The following ARLN variants were observed in gnomAD, a reference collection of about 807,000 sequenced individuals.
The protein encoded by ARLN is allregulin.
chr4:119,300,676 AACCT>A, the ARLN span: 4 of 1,543,618 alleles, frequency 2.6e-6, no homozygotes, highest in Non-Finnish European at 2.6e-6. Flanking sequence ...ATGCACTCTG[AACCT>A]ACTCTTCCCA....
the ARLN span, chr4:119,304,284 T>C: frequency 2.0e-6 from 3 of 1,536,994 alleles, no homozygotes; most frequent in Non-Finnish European, 1.7e-6. Context: ...CTCCACCTTC[T>C]ATGTCATGTT....
chr4:119,300,086 T>C, the ARLN span, among the ~76,000 whole-genome samples: 1 of 151,858 alleles, frequency 6.6e-6, no homozygotes, highest in Non-Finnish European at 1.5e-5. Flanking sequence ...GCCTAGCTGG[T>C]TTCATTCCAA....
At chr4:119,304,356 A>G in the ARLN span, 130 of 1,537,004 alleles carry the variant, frequency 8.5e-5, no homozygotes, top group Non-Finnish European at 1.1e-4. Flanking sequence ...ATTTGTTTCC[A>G]TAGTTTTTTG....
the ARLN span, chr4:119,298,814 T>C: frequency 1.3e-6 from 1 of 771,358 alleles, no homozygotes; most frequent in Non-Finnish European, 2.4e-6. Flanking sequence ...CAATATGTGC[T>C]TTATCTTCCC....
chr4:119,300,700 C>A, the ARLN span: 8 of 1,529,692 alleles, frequency 5.2e-6, no homozygotes, highest in Admixed American at 2.0e-5. Flanking sequence ...AGCGCGCAGG[C>A]GCCTGGCTCG....
chr4:119,300,586 C>T, the ARLN span: 1 of 1,613,614 alleles, frequency 6.2e-7, no homozygotes, highest in South Asian at 1.1e-5. Context: ...TGCTTAAGTT[C>T]CCGGACTTTG....
At chr4:119,300,199 A>C in the ARLN span, 2 of 712,696 alleles carry the variant, frequency 2.8e-6, no homozygotes, top group Non-Finnish European at 4.8e-6. Flanking sequence ...TCCCCCACCC[A>C]CCCGACTGCG....
the ARLN span, chr4:119,301,031 A>C: frequency 1.9e-3 from 773 of 404,482 alleles, 8 homozygotes; most frequent in African/African-American, 0.014. Context: ...ACCACCAATG[A>C]GGTGGACGTC....
chr4:119,303,191 A>G, the ARLN span, among the ~76,000 whole-genome samples: 1 of 144,460 alleles, frequency 6.9e-6, no homozygotes. Flanking sequence ...CTTCTGGGTC[A>G]TTTTATTTAT....
the ARLN span, chr4:119,297,213 C>T: frequency 1.3e-5 from 2 of 152,164 alleles, no homozygotes; most frequent in East Asian, 1.9e-4. Flanking sequence ...GTGACAACAC[C>T]TTAAAAGCAT....
chr4:119,304,244 C>T, the ARLN span: 2 of 1,529,072 alleles, frequency 1.3e-6, no homozygotes, highest in South Asian at 2.4e-5. Flanking sequence ...TTCTAACATA[C>T]CAATTGTGAA....
the ARLN span, among the ~76,000 whole-genome samples, chr4:119,303,792 G>T: frequency 2.6e-5 from 4 of 152,214 alleles, no homozygotes; most frequent in Non-Finnish European, 5.9e-5. Context: ...GCTGAATTGG[G>T]AGGATCACTT....
chr4:119,300,232 T>G, the ARLN span: 1 of 932,758 alleles, frequency 1.1e-6, no homozygotes, highest in Non-Finnish European at 1.7e-6. Context: ...TGTGTGATCT[T>G]GGACATATAT....
At chr4:119,296,540 A>G in the ARLN span, 1 of 152,198 alleles carries the variant, frequency 6.6e-6, no homozygotes, top group East Asian at 1.9e-4. Flanking sequence ...TCCAGTCCAA[A>G]CCCAAAGGTC....
At chr4:119,298,527 C>A in the ARLN span, 1 of 416,270 alleles carries the variant, frequency 2.4e-6, no homozygotes. Context: ...CCTGTAAAGC[C>A]ATCAGATGTT....
the ARLN span, among the ~76,000 whole-genome samples, chr4:119,299,899 A>C: frequency 2.6e-5 from 4 of 152,160 alleles, no homozygotes; most frequent in Admixed American, 2.6e-4. Context: ...TGTATAGTAA[A>C]AATAGCTTTC....
At chr4:119,304,103 T>C in the ARLN span, 1 of 623,300 alleles carries the variant, frequency 1.6e-6, no homozygotes, top group Non-Finnish European at 2.8e-6. Flanking sequence ...CTTTGGTGCA[T>C]GTTTTTCCTG....
At chr4:119,300,517 C>T in the ARLN span, 4 of 1,614,158 alleles carry the variant, frequency 2.5e-6, no homozygotes, top group East Asian at 8.9e-5. Context: ...CCATCAACAC[C>T]CGGTGCGTCC....
At chr4:119,302,465 T>A in the ARLN span, among the ~76,000 whole-genome samples, 1 of 152,250 alleles carries the variant, frequency 6.6e-6, no homozygotes, top group South Asian at 2.1e-4. Flanking sequence ...GATTTTGAAC[T>A]ACTGGCCTCA....
Sources: allele counts gnomAD v4.1 joint callset (sites outside exome capture counted in the v4.1 genomes callset), GRCh38; gene constraint gnomAD v4.1.1; transcripts MANE v1.5; gene names NCBI Gene and HGNC (gene_info 2026-07-23, HGNC 2026-07-21).